Variants in CKS1B observed in about 807,000 individuals in gnomAD.
CKS1B encodes CDC28 protein kinase regulatory subunit 1B.
A neutral mutation model predicts 12.2 loss-of-function variants in CKS1B; 5 were observed. The observed-to-expected ratio is 0.41, with a 90% CI of 0.21 to 0.86. CKS1B has a LOEUF of 0.86. Ranked by LOEUF, CKS1B falls within the 40% of genes least tolerant of loss-of-function variation. The pLI, the probability that CKS1B is intolerant of heterozygous loss-of-function variation, is 0.32. For missense variants in CKS1B, 53 were observed against 99.9 expected (o/e 0.53, Z 2.00); for synonymous variants, 24 against 34.4 (o/e 0.70, Z 1.06).
chr1:154,975,069 A>C lies in CKS1B; in HGVS notation c.59+265A>C, dbSNP rs57112842. The C allele has an allele frequency of 5.1e-3, 4,015 of 789,060 alleles. 108 individuals are homozygous for C. In the African/African-American group the frequency reaches 0.061, roughly 12 times the overall value. 48.9% of individuals were successfully genotyped at this position (789,060 alleles called of 1,614,324 possible). On this transcript the variant is annotated intron_variant, in intron 1 of 2. Transcript: ENST00000308987. ...GTTAGGGTACTGACCACCCTCACCC[A>C]TGAGGCTTTCTGGATCATTCTCTGA...
At chr1:154,977,810 G>A (rs540695808) in intron 1 of CKS1B, 177 bp from the exon 2 acceptor site, 61 of 582,544 alleles carry the variant, frequency 1.0e-4, no homozygotes, top group Non-Finnish European at 1.6e-4. Flanking sequence ...ATATACTCTC[G>A]GAATTTATAT....
chr1:154,974,970 G>T, intron 1 of CKS1B, 166 bp downstream of exon 1: 1 of 1,601,630 alleles, frequency 6.2e-7, no homozygotes, highest in Non-Finnish European at 8.5e-7. Flanking sequence ...CGCGGAGGTG[G>T]GAGGCGCTCG....
chr1:154,974,913 G>A (rs749009486), intron 1 of CKS1B, 109 bp downstream of exon 1: 2 of 1,613,874 alleles, frequency 1.2e-6, no homozygotes, highest in African/African-American at 2.7e-5. Context: ...TGCGTACGAG[G>A]TGCGAACGGG....
In CKS1B at chr1:154,978,226, C is replaced by T. The variant is rs1657237710; in HGVS notation, c.187+112C>T. On this transcript the variant is annotated intron_variant, in intron 2 of 2. Transcript: ENST00000308987. ...AGGAAATGGTTTACTGGTTCCTTCC[C>T]CCTCCAGTCGTGGGGGATTTTTTTA... 8 of 1,111,048 alleles carry T rather than the reference C, an allele frequency of 7.2e-6. No individual in the cohort carries two copies. In the Admixed American group the frequency reaches 2.7e-4, roughly 37 times the overall value. 68.8% of individuals were successfully genotyped at this position (1,111,048 alleles called of 1,614,324 possible).
Position 154,974,728 on chromosome 1 carries a change from C to G in CKS1B, c.-18C>G, listed in dbSNP as rs1571467378. 1 of 1,579,764 alleles carries G rather than the reference C, an allele frequency of 6.3e-7. No individual in the cohort carries two copies. Among genetic ancestry groups the G allele is most frequent in the Non-Finnish European group, 8.6e-7 (1 of 1,162,952 alleles). ...GAGGTTGGCGGCGCGGGGCTGAAGG[C>G]TAGCAAACCGAGCGATCATGTCGCA... On this transcript the variant is annotated 5_prime_UTR_variant, in exon 1 of 3. Transcript: ENST00000308987.
At chr1:154,978,280 T>A in intron 2 of CKS1B, 166 bp downstream of exon 2, 1 of 691,534 alleles carries the variant, frequency 1.4e-6, no homozygotes, top group Non-Finnish European at 2.3e-6. Context: ...AAAATAAGAC[T>A]AAAATATCTG....
chr1:154,979,048 G>A lies in CKS1B; in HGVS notation c.*271G>A. The A allele has an allele frequency of 4.8e-6, 2 of 414,850 alleles. No individual in the cohort carries two copies. Among genetic ancestry groups the A allele is most frequent in the South Asian group, 3.0e-5 (1 of 33,476 alleles). The allele number at this position is 414,850 out of a possible 1,614,324, so 25.7% of individuals were successfully genotyped here. ...TGTGCTCTGTATCCAGAACACACTT[G>A]GCAGATGGAGGAAGCATCTGAGTTT... On this transcript the variant is annotated 3_prime_UTR_variant, in exon 3 of 3. Transcript: ENST00000308987.
intron 1 of CKS1B, 47 bp downstream of exon 1, chr1:154,974,851 G>A (rs1011781100): frequency 6.2e-7 from 1 of 1,614,038 alleles, no homozygotes; most frequent in South Asian, 1.1e-5. Context: ...AGCTTTGGCC[G>A]CTGAGGGCAC....
chr1:154,975,704 C>T (rs1289262383), intron 1 of CKS1B: 1 of 154,864 alleles, frequency 6.5e-6, no homozygotes, highest in East Asian at 1.9e-4. Flanking sequence ...CGCCCCCCGC[C>T]CCGCCACCGC....
chr1:154,977,536 A>G (rs1265177373), intron 1 of CKS1B: 1 of 153,958 alleles, frequency 6.5e-6, no homozygotes, highest in East Asian at 1.9e-4. Context: ...TTGTGCCACC[A>G]TGCCTGGCTT....
rs72702238 is a variant in CKS1B at position 154,975,021 on chromosome 1, G to C, written c.59+217G>C. On this transcript the variant is annotated intron_variant, in intron 1 of 2. Coordinates refer to ENST00000308987, the MANE Select transcript of CKS1B (RefSeq NM_001826.3). ...GCGAATTTGGAGTCGCCTCTCAGTA[G>C]AGAGGAGAGAGGGGTGGGCGTGGTT... The C allele has an allele frequency of 9.0e-4, 1,136 of 1,255,852 alleles. 15 individuals are homozygous for C. The highest frequency in any genetic ancestry group is 8.4e-3 in the South Asian group (703 of 83,498). The allele number at this position is 1,255,852 out of a possible 1,614,324, so 77.8% of individuals were successfully genotyped here. A position where few individuals can be genotyped will look rare whatever the true frequency, so the allele number is the denominator to read the frequency against.
In CKS1B at chr1:154,974,715, G is replaced by A. The variant is rs772960083; in HGVS notation, c.-31G>A. 2 of 1,566,316 alleles carry A rather than the reference G, an allele frequency of 1.3e-6. No individual in the cohort carries two copies. The highest frequency in any genetic ancestry group is 1.4e-5 in the African/African-American group (1 of 73,860). ...TGGGAGTTGCTTGGAGGTTGGCGGCGCGGGGCTGAAGGCTAGCAAACCGAG... is the reference window on the plus strand; with the variant it reads ...TGGGAGTTGCTTGGAGGTTGGCGGCACGGGGCTGAAGGCTAGCAAACCGAG... On this transcript the variant is annotated 5_prime_UTR_variant, in exon 1 of 3. Coordinates refer to ENST00000308987, the MANE Select transcript of CKS1B (RefSeq NM_001826.3).
intron 2 of CKS1B, chr1:154,978,474 C>G: frequency 1.8e-6 from 1 of 554,280 alleles, no homozygotes; most frequent in Non-Finnish European, 3.2e-6. Flanking sequence ...CACCAGACAC[C>G]CAGCTGCCAG....
intron 2 of CKS1B, 50 bp from the exon 3 acceptor site, chr1:154,978,675 G>T: frequency 2.0e-6 from 3 of 1,507,990 alleles, no homozygotes; most frequent in African/African-American, 1.4e-5. Flanking sequence ...ACTATAGGTT[G>T]TACATAGAAT....
At chr1:154,976,093 A>G (rs1168604051) in intron 1 of CKS1B, among the ~76,000 whole-genome samples, 1 of 152,166 alleles carries the variant, frequency 6.6e-6, no homozygotes, top group Non-Finnish European at 1.5e-5. Flanking sequence ...TAAAATACTG[A>G]GAGGAAAAAC....
chr1:154,974,827 T>TC, intron 1 of CKS1B, 23 bp downstream of exon 1: 2 of 1,613,962 alleles, frequency 1.2e-6, no homozygotes. Flanking sequence ...GCGGGAGCAA[T>TC]AGCGAGGGTC....
intron 1 of CKS1B, among the ~76,000 whole-genome samples, chr1:154,976,308 G>T (rs1211634804): frequency 6.6e-6 from 1 of 152,192 alleles, no homozygotes; most frequent in East Asian, 1.9e-4. Flanking sequence ...ATCTAGATTG[G>T]GAATAAGGGA....
intron 1 of CKS1B, among the ~76,000 whole-genome samples, chr1:154,976,926 T>G (rs957258439): frequency 6.6e-6 from 1 of 152,170 alleles, no homozygotes; most frequent in Non-Finnish European, 1.5e-5. Context: ...TTTTTTGCTA[T>G]GAAGGGAGAC....
At chr1:154,978,626 TC>T in intron 2 of CKS1B, 98 bp from the exon 3 acceptor site, 1 of 959,098 alleles carries the variant, frequency 1.0e-6, no homozygotes. Context: ...GTTATAAAGA[TC>T]TGAGTGGGTG....
Sources: allele counts gnomAD v4.1 joint callset (sites outside exome capture counted in the v4.1 genomes callset), GRCh38; gene constraint gnomAD v4.1.1; transcripts MANE v1.5; gene names NCBI Gene and HGNC (gene_info 2026-07-23, HGNC 2026-07-21).